Variants in COL16A1 observed in about 807,000 individuals in gnomAD.
COL16A1 encodes the protein collagen alpha-1(XVI) chain.
A neutral mutation model predicts 266.3 loss-of-function variants in COL16A1; 189 were observed. The ratio of observed to expected loss-of-function variants is 0.71; its 90% CI spans 0.63 to 0.80. The LOEUF is 0.80. Among genes scored for constraint, COL16A1 ranks in the 30% least tolerant of loss-of-function variants. The pLI is 0.00. For missense variants in COL16A1, 1,928 were observed against 2,122.4 expected, an observed-to-expected ratio of 0.91 and a Z score of 1.80; for synonymous variants, 740 against 782.3, an observed-to-expected ratio of 0.95 and a Z score of 0.90.
In COL16A1 at chr1:31,685,566, G is replaced by A. The variant is rs1557669262; in HGVS notation, c.2016+73C>T. Reference sequence around the variant, plus strand: ...CTGCCCAGGGAGTCAAGAGACCCAGGCAGGACCCCTCCCCTCTCCTTAGCC... The same window carrying A: ...CTGCCCAGGGAGTCAAGAGACCCAGACAGGACCCCTCCCCTCTCCTTAGCC... On this transcript the variant is annotated intron_variant, in intron 29 of 70. Transcript: ENST00000373672. This position sits in a 1 kb window ranked among gnomAD's most constrained non-coding sequence, Gnocchi z 4.0. 1.3e-6 allele frequency: 2 copies of A among 1,542,550 alleles called. No homozygotes were observed. The highest frequency in any genetic ancestry group is 1.8e-5 in the Admixed American group (1 of 55,530).
chr1:31,688,560 C>T lies in COL16A1; in HGVS notation c.1768-58G>A. On this transcript the variant is annotated intron_variant, in intron 25 of 70. Transcript: ENST00000373672. This position sits in a 1 kb window ranked among gnomAD's most constrained non-coding sequence, Gnocchi z 4.9. ...TCCCCACTCCCACCTCTCCAAGGCT[C>T]CCCGGGTCCCAGTGTCCAACCAGAA... 5.0e-6 allele frequency: 8 copies of T among 1,607,902 alleles called. No homozygotes were observed. The highest frequency in any genetic ancestry group is 6.8e-6 in the Non-Finnish European group (8 of 1,174,454).
At chr1:31,694,062 C>T (rs373623423) in intron 12 of COL16A1, 82 bp downstream of exon 12, 6 of 1,373,684 alleles carry the variant, frequency 4.4e-6, no homozygotes, top group Non-Finnish European at 6.1e-6. Flanking sequence ...GATAGAAACA[C>T]ACAGCCACAG....
At chr1:31,691,880 C>G in intron 17 of COL16A1, 125 bp downstream of exon 17, 1 of 1,473,162 alleles carries the variant, frequency 6.8e-7, no homozygotes, top group South Asian at 1.2e-5. Flanking sequence ...GCTGTGCCTC[C>G]TGTGGCACAG....
chr1:31,692,455 C>G lies in COL16A1; in HGVS notation c.1194+19G>C, dbSNP rs1255572804. Reference sequence around the variant, plus strand: ...GCAGACCTCCCTGGAAATCCCCCCTCCAAATCCAGGCTTGTTACCTTCTCG... The same window carrying G: ...GCAGACCTCCCTGGAAATCCCCCCTGCAAATCCAGGCTTGTTACCTTCTCG... On this transcript the variant is annotated intron_variant, in intron 16 of 70. Transcript: ENST00000373672. 3 of 1,606,510 alleles carry G rather than the reference C, an allele frequency of 1.9e-6. No individual in the cohort carries two copies. Among genetic ancestry groups the G allele is most frequent in the Non-Finnish European group, 2.6e-6 (3 of 1,175,042 alleles).
At chr1:31,676,913 T>C (rs1034763796) in intron 42 of COL16A1, among the ~76,000 whole-genome samples, 21 of 152,236 alleles carry the variant, frequency 1.4e-4, no homozygotes, top group African/African-American at 4.3e-4. Context: ...CTCCCAGCAA[T>C]GGAACATATC....
rs369934926 is a variant in COL16A1 at position 31,702,197 on chromosome 1, G to A, written c.-4C>T. The stretch of plus-strand genomic sequence containing the variant: ...CAGGAGCCCAGGATACCCACATCCC[G>A]GTCCAAAGAGGTCAGCTACAGCCAC... On this transcript the variant is annotated 5_prime_UTR_variant, in exon 2 of 71. Coordinates refer to ENST00000373672, the MANE Select transcript of COL16A1 (RefSeq NM_001856.4). 1.5e-5 allele frequency: 25 copies of A among 1,613,912 alleles called. No individual in the cohort carries two copies. The highest frequency in any genetic ancestry group is 8.0e-5 in the African/African-American group (6 of 74,886).
chr1:31,665,832 A>T, intron 54 of COL16A1, 50 bp downstream of exon 54: 1 of 1,612,386 alleles, frequency 6.2e-7, no homozygotes. Flanking sequence ...ATCACCAGGG[A>T]CCCAGCTCCT....
At chr1:31,654,285 C>A (rs1640904513) in intron 68 of COL16A1, among the ~76,000 whole-genome samples, 1 of 152,202 alleles carries the variant, frequency 6.6e-6, no homozygotes, top group Admixed American at 6.5e-5. Flanking sequence ...TGCTCCAACA[C>A]CCCTCATTAG....
Position 31,688,349 on chromosome 1 carries a change from T to A in COL16A1, c.1803+118A>T. 1 of 1,156,770 alleles carries A rather than the reference T, an allele frequency of 8.6e-7. No individual in the cohort carries two copies. The highest frequency in any genetic ancestry group is 1.9e-5 in the Admixed American group (1 of 53,052). The allele number at this position is 1,156,770 out of a possible 1,614,324, so 71.7% of individuals were successfully genotyped here. A position where few individuals can be genotyped will look rare whatever the true frequency, so the allele number is the denominator to read the frequency against. On this transcript the variant is annotated intron_variant, in intron 26 of 70. Coordinates refer to ENST00000373672, the MANE Select transcript of COL16A1 (RefSeq NM_001856.4). This position sits in a 1 kb window ranked among gnomAD's most constrained non-coding sequence, Gnocchi z 4.9. ...CAAAACACTAGTAAATTAATTTCAC[T>A]GTGAATTTACCGTCTGAATCTCTTG...
rs1640962377 is a variant in COL16A1, at chr1:31,654,840, C to A, written c.4309G>T (p.Asp1437Tyr). The A allele has an allele frequency of 6.2e-7, 1 of 1,613,982 alleles. No homozygotes were observed. Among genetic ancestry groups the A allele is most frequent in the Non-Finnish European group, 8.5e-7 (1 of 1,180,034 alleles). The change falls in exon 68 of 71, where the codon GAT becomes TAT. Residue 1437 changes from aspartate (D) to tyrosine (Y), a missense_variant. Coordinates refer to ENST00000373672, the MANE Select transcript of COL16A1 (RefSeq NM_001856.4). ...PGSMGDMVNY[D>Y]EIKRFIRQEI... is the part of the protein sequence containing the mutation. Reference sequence around the variant, plus strand: ...TGTCTGATGAACCTCTTGATTTCATCATAATTCACCATGTCTCCCTGAAGA... The same window carrying A: ...TGTCTGATGAACCTCTTGATTTCATAATAATTCACCATGTCTCCCTGAAGA...
Position 31,695,043 on chromosome 1 carries a change from G to A in COL16A1, c.981+143C>T, listed in dbSNP as rs570837129. On this transcript the variant is annotated intron_variant, in intron 11 of 70. Transcript: ENST00000373672. Reference sequence around the variant, plus strand: ...GGAGATGGCAGTGGGGGTTAAGCCCGGCTCTGGGAGATGGGCAGGGAGCGA... The same window carrying A: ...GGAGATGGCAGTGGGGGTTAAGCCCAGCTCTGGGAGATGGGCAGGGAGCGA... 7.9e-4 allele frequency: 665 copies of A among 839,978 alleles called. 1 individual carries two copies. The highest frequency in any genetic ancestry group is 3.3e-3 in the Middle Eastern group (10 of 3,004). 52.0% of individuals were successfully genotyped at this position (839,978 alleles called of 1,614,324 possible).
chr1:31,662,246 G>A (rs756525292), intron 58 of COL16A1, 88 bp downstream of exon 58: 500 of 1,556,394 alleles, frequency 3.2e-4, no homozygotes, highest in Middle Eastern at 5.0e-4. Flanking sequence ...GGGATACTTC[G>A]GTTCTTTCCA....
intron 42 of COL16A1, 151 bp downstream of exon 42, chr1:31,679,481 C>T (rs1643439259): frequency 1.9e-6 from 3 of 1,613,178 alleles, no homozygotes; most frequent in Non-Finnish European, 2.5e-6. Flanking sequence ...CCCTCCTTGC[C>T]ACCCTGGGAG....
At chr1:31,658,812 A>T in intron 63 of COL16A1, 102 bp downstream of exon 63, 1 of 1,359,036 alleles carries the variant, frequency 7.4e-7, no homozygotes, top group Non-Finnish European at 1.0e-6. Flanking sequence ...GGAGGGGATG[A>T]GACAAACTGT....
rs72662979 is a variant in COL16A1 at position 31,657,723 on chromosome 1, C to T, written c.4021-655G>A. Among the ~76,000 whole-genome samples the T allele has an allele frequency of 0.031, 4,781 of 152,346 alleles. 95 individuals are homozygous for T. Among genetic ancestry groups the T allele is most frequent in the Non-Finnish European group, 0.049 (3,349 of 68,030 alleles). On this transcript the variant is annotated intron_variant, in intron 64 of 70. Coordinates refer to ENST00000373672, the MANE Select transcript of COL16A1 (RefSeq NM_001856.4). This position sits in a 1 kb window ranked among gnomAD's most constrained non-coding sequence, Gnocchi z 6.4. ...AAGCATCCTGATGGGTCCCAGGAGA[C>T]CTGGGTCCCTGCCTCTGCTCTCCCA...
At chr1:31,661,523 C>T in intron 59 of COL16A1, 65 bp from the exon 60 acceptor site, 1 of 1,613,544 alleles carries the variant, frequency 6.2e-7, no homozygotes, top group Non-Finnish European at 8.5e-7. Context: ...CCCACTCCTC[C>T]TTCCTCAGTT....
Position 31,699,936 on chromosome 1 carries a change from G to C in COL16A1, c.149-6C>G, listed in dbSNP as rs1165495036. The C allele has an allele frequency of 4.4e-6, 7 of 1,608,804 alleles. No homozygotes were observed. Among genetic ancestry groups the C allele is most frequent in the Non-Finnish European group, 5.1e-6 (6 of 1,175,242 alleles). ...TCGGTGGATGAGGTTGAAGCCTTTGGGGGAGACATCAGGTGAAGAGCTCAG... is the reference window on the plus strand; with the variant it reads ...TCGGTGGATGAGGTTGAAGCCTTTGCGGGAGACATCAGGTGAAGAGCTCAG... On this transcript the variant is annotated splice_region_variant and splice_polypyrimidine_tract_variant and intron_variant, in intron 3 of 70. Coordinates refer to ENST00000373672, the MANE Select transcript of COL16A1 (RefSeq NM_001856.4).
Position 31,656,229 on chromosome 1 carries a change from A to T in COL16A1, c.4101+171T>A. 1 of 1,026,432 alleles carries T rather than the reference A, an allele frequency of 9.7e-7. No individual in the cohort carries two copies. The highest frequency in any genetic ancestry group is 1.4e-6 in the Non-Finnish European group (1 of 703,678). The allele number at this position is 1,026,432 out of a possible 1,614,324, so 63.6% of individuals were successfully genotyped here. Reference sequence around the variant, plus strand: ...GATTTCCTTCCCCCCAACCACAGCTAATGACCCCATGTGAGAAATTTTCAG... The same window carrying T: ...GATTTCCTTCCCCCCAACCACAGCTTATGACCCCATGTGAGAAATTTTCAG... On this transcript the variant is annotated intron_variant, in intron 66 of 70. Coordinates refer to ENST00000373672, the MANE Select transcript of COL16A1 (RefSeq NM_001856.4). The surrounding 1 kb of genome is among the most constrained non-coding windows in gnomAD (Gnocchi z 4.2).
In COL16A1 at chr1:31,656,562, C is replaced by T. The variant is rs545227957; in HGVS notation, c.4057-118G>A. 1.5e-4 allele frequency: 228 copies of T among 1,476,310 alleles called. No individual in the cohort carries two copies. The highest frequency in any genetic ancestry group is 1.2e-4 in the Non-Finnish European group (133 of 1,105,412). The allele number at this position is 1,476,310 out of a possible 1,614,324, so 91.5% of individuals were successfully genotyped here. ...CTGAGGCCCCCAGGTGTGTCCAGCC[C>T]AGCTCTGTGTGAGAAAGGAGCGCAG... On this transcript the variant is annotated intron_variant, in intron 65 of 70. Transcript: ENST00000373672. The surrounding 1 kb of genome is among the most constrained non-coding windows in gnomAD (Gnocchi z 4.2).
Sources: gnomAD v4.1 joint callset for allele counts (sites outside exome capture counted in the v4.1 genomes callset) on GRCh38, gnomAD v4.1.1 for gene constraint, Gnocchi (gnomAD v3.1) non-coding constraint, MANE v1.5 for transcripts, NCBI Gene and HGNC (gene_info 2026-07-23, HGNC 2026-07-21) for gene names.